Variants in ATP2C1 observed in about 807,000 individuals in gnomAD.
ATP2C1 encodes the protein ATPase secretory pathway Ca2+ transporting 1, also known as calcium-transporting ATPase type 2C member 1.
A neutral mutation model predicts 120.5 loss-of-function variants in ATP2C1; 31 were observed. That is an observed-to-expected ratio of 0.26 (90% CI 0.19 to 0.35). The LOEUF is 0.35. Ranked by LOEUF, ATP2C1 falls within the 10% of genes least tolerant of loss-of-function variation. The pLI, the probability that ATP2C1 is intolerant of heterozygous loss-of-function variation, is 1.00. For synonymous variants in ATP2C1, 351 were observed against 358.7 expected (o/e 0.98, Z 0.24); for missense variants, 731 against 1,107.5 (o/e 0.66, Z 4.83).
chr3:130,926,651 T>C (rs369086563), intron 2 of ATP2C1, among the ~76,000 whole-genome samples: 9 of 152,262 alleles, frequency 5.9e-5, no homozygotes, highest in Admixed American at 1.3e-4. Flanking sequence ...CAAGTTTTTC[T>C]ACTAAGGCTA....
Position 130,998,407 on chromosome 3 carries a change from T to G in ATP2C1, c.2487+18T>G. 1 of 1,541,512 alleles carries G rather than the reference T, an allele frequency of 6.5e-7. No individual in the cohort carries two copies. Among genetic ancestry groups the G allele is most frequent in the Non-Finnish European group, 9.0e-7 (1 of 1,114,108 alleles). ...GATCCCAGGTATGTTTAGGTGAACTTAGTTGATTGACTTGATTGACTCACT... is the reference window on the plus strand; with the variant it reads ...GATCCCAGGTATGTTTAGGTGAACTGAGTTGATTGACTTGATTGACTCACT... On this transcript the variant is annotated intron_variant, in intron 26 of 27. Coordinates refer to ENST00000510168, the MANE Select transcript of ATP2C1 (RefSeq NM_001378687.1).
Position 130,941,604 on chromosome 3 carries a change from A to G in ATP2C1, c.436A>G (p.Lys146Glu). The part of the protein sequence containing the change: ...PPECHCVREG[K>E]LEHTLARDLV... Reference sequence around the variant, plus strand: ...TTCGTGTTACAGTGTGCGTGAAGGAAAATTGGAGCATACACTTGCCCGAGA... The same window carrying G: ...TTCGTGTTACAGTGTGCGTGAAGGAGAATTGGAGCATACACTTGCCCGAGA... The change falls in exon 8 of 28, where the codon AAA (lysine) becomes GAA (glutamate). Residue 146 changes from lysine (K) to glutamate (E), a missense_variant. By Grantham distance (56) the Lys-to-Glu change is moderately conservative. Coordinates refer to ENST00000510168, the MANE Select transcript of ATP2C1 (RefSeq NM_001378687.1). 1 of 1,614,004 alleles carries G rather than the reference A, an allele frequency of 6.2e-7. No homozygotes were observed. Among genetic ancestry groups the G allele is most frequent in the Non-Finnish European group, 8.5e-7 (1 of 1,179,972 alleles).
intron 2 of ATP2C1, among the ~76,000 whole-genome samples, chr3:130,927,211 C>G (rs1413703217): frequency 6.6e-6 from 1 of 151,382 alleles, no homozygotes; most frequent in Non-Finnish European, 1.5e-5. Flanking sequence ...ATTTATTTCA[C>G]AAGAAAACCA....
Position 130,932,453 on chromosome 3 carries a change from A to T in ATP2C1, c.234+315A>T, listed in dbSNP as rs1543524. On this transcript the variant is annotated intron_variant, in intron 4 of 27. Transcript: ENST00000510168. Reference sequence around the variant, plus strand: ...ACTGGCAATATTTTTTAAGGTAATCATGGCCAGCTCAGAAAACTAGTAAAA... The same window carrying T: ...ACTGGCAATATTTTTTAAGGTAATCTTGGCCAGCTCAGAAAACTAGTAAAA... Among the ~76,000 whole-genome samples the T allele has an allele frequency of 0.18, 26,782 of 151,958 alleles. 2,519 individuals carry two copies. Among genetic ancestry groups the T allele is most frequent in the Middle Eastern group, 0.24 (72 of 294 alleles).
At chr3:130,942,203 CA>C (rs1329317907) in intron 8 of ATP2C1, among the ~76,000 whole-genome samples, 4 of 152,168 alleles carry the variant, frequency 2.6e-5, no homozygotes, top group African/African-American at 7.2e-5. Context: ...CCATTCAAAT[CA>C]CTATGAACAT....
At chr3:130,871,974 A>G (rs374520463) in intron 1 of ATP2C1, among the ~76,000 whole-genome samples, 1 of 150,686 alleles carries the variant, frequency 6.6e-6, no homozygotes, top group African/African-American at 2.4e-5. Context: ...GTGAGCGGAG[A>G]TCATGCCACT....
chr3:131,015,161 T>A (rs1219042614), intron 26 of ATP2C1: 1 of 699,606 alleles, frequency 1.4e-6, no homozygotes, highest in African/African-American at 1.7e-5. Context: ...CAACACTGTT[T>A]ACTGCCAGGA....
At chr3:130,969,708 G>T (rs1264571278) in intron 17 of ATP2C1, among the ~76,000 whole-genome samples, 1 of 152,140 alleles carries the variant, frequency 6.6e-6, no homozygotes, top group Non-Finnish European at 1.5e-5. Context: ...TCTTCTTCAT[G>T]ACAGTTCCTT....
intron 26 of ATP2C1, among the ~76,000 whole-genome samples, chr3:131,009,892 T>C (rs2063252679): frequency 2.0e-5 from 3 of 152,202 alleles, no homozygotes; most frequent in African/African-American, 7.2e-5. Flanking sequence ...ATCTGTCTTA[T>C]TGAAAATACA....
chr3:130,856,808 A>G (rs1446944442), intron 1 of ATP2C1, among the ~76,000 whole-genome samples: 1 of 152,178 alleles, frequency 6.6e-6, no homozygotes, highest in East Asian at 1.9e-4. Flanking sequence ...GTCCTTCACA[A>G]ACAGGAGGAA....
At chr3:130,965,638 C>T (rs1177433887) in intron 14 of ATP2C1, among the ~76,000 whole-genome samples, 1 of 152,048 alleles carries the variant, frequency 6.6e-6, no homozygotes, top group Non-Finnish European at 1.5e-5. Flanking sequence ...ATAGTTCTTT[C>T]GATGTGACAC....
intron 20 of ATP2C1, among the ~76,000 whole-genome samples, chr3:130,986,982 C>G (rs1309690914): frequency 1.3e-5 from 2 of 151,152 alleles, no homozygotes; most frequent in African/African-American, 4.9e-5. Flanking sequence ...CTTTATTGCC[C>G]AGACTGGAGT....
At chr3:130,902,440 T>C (rs1023587253) in intron 2 of ATP2C1, among the ~76,000 whole-genome samples, 8 of 151,874 alleles carry the variant, frequency 5.3e-5, no homozygotes, top group African/African-American at 1.9e-4. Flanking sequence ...TTGTACTATT[T>C]CAGGATTCAG....
intron 12 of ATP2C1, chr3:130,963,123 GGC>G (rs2060897524): frequency 6.6e-6 from 1 of 151,940 alleles, no homozygotes; most frequent in African/African-American, 2.4e-5. Flanking sequence ...AATTATAAAA[GGC>G]GAGTGAAATA....
chr3:130,904,753 A>G (rs1251338652), intron 2 of ATP2C1, among the ~76,000 whole-genome samples: 3 of 152,056 alleles, frequency 2.0e-5, no homozygotes, highest in Non-Finnish European at 4.4e-5. Flanking sequence ...AACTGGCAGC[A>G]GTTATTACTG....
At chr3:130,915,313 C>G (rs189892436) in intron 2 of ATP2C1, among the ~76,000 whole-genome samples, 1 of 152,120 alleles carries the variant, frequency 6.6e-6, no homozygotes, top group African/African-American at 2.4e-5. Flanking sequence ...AGGCTGGTCT[C>G]GAACTCCTGA....
At chr3:130,965,847 G>A (rs990066939) in intron 14 of ATP2C1, among the ~76,000 whole-genome samples, 3 of 152,022 alleles carry the variant, frequency 2.0e-5, no homozygotes, top group Non-Finnish European at 2.9e-5. Context: ...CCCATTATAA[G>A]AGAGCAGGAG....
At chr3:130,864,544 C>T (rs1174997799) in intron 1 of ATP2C1, among the ~76,000 whole-genome samples, 1 of 152,218 alleles carries the variant, frequency 6.6e-6, no homozygotes, top group Non-Finnish European at 1.5e-5. Flanking sequence ...CAGGCCATTT[C>T]AGAGACCTTC....
intron 1 of ATP2C1, among the ~76,000 whole-genome samples, chr3:130,862,320 T>TTATC (rs1395850733): frequency 1.4e-5 from 2 of 142,836 alleles, no homozygotes; most frequent in Non-Finnish European, 3.1e-5. Flanking sequence ...TTCACTTTAT[T>TTATC]TATTTATTTA....
Sources: gnomAD v4.1 joint callset for allele counts (sites outside exome capture counted in the v4.1 genomes callset) on GRCh38, gnomAD v4.1.1 for gene constraint, MANE v1.5 for transcripts, NCBI Gene and HGNC (gene_info 2026-07-23, HGNC 2026-07-21) for gene names.